The following NAALAD2 variants were observed in gnomAD, a reference collection of about 807,000 sequenced individuals.
The protein encoded by NAALAD2 is N-acetylated alpha-linked acidic dipeptidase 2.
A neutral mutation model predicts 95.6 loss-of-function variants in NAALAD2; 89 were observed. The ratio of observed to expected loss-of-function variants is 0.93; its 90% CI spans 0.78 to 1.11. The LOEUF is 1.11. Among genes scored for constraint, NAALAD2 ranks in the 50% least tolerant of loss-of-function variants. The probability of loss-of-function intolerance (pLI) is 0.00; values close to 1 mark genes in which losing one functional copy is unlikely to be tolerated. For missense variants in NAALAD2, 894 were observed against 872.4 expected (o/e 1.02, Z -0.31); for synonymous variants, 264 against 294.4 (o/e 0.90, Z 1.06).
intron 2 of NAALAD2, among the ~76,000 whole-genome samples, chr11:90,146,302 A>C (rs2134850935): frequency 6.6e-6 from 1 of 150,732 alleles, no homozygotes; most frequent in East Asian, 1.9e-4. Flanking sequence ...AAAAAATTAA[A>C]AAAGGGTTTA....
At chr11:90,188,478 A>C (rs1167990402) in intron 18 of NAALAD2, among the ~76,000 whole-genome samples, 3 of 152,160 alleles carry the variant, frequency 2.0e-5, no homozygotes, top group Admixed American at 6.5e-5. Flanking sequence ...TCACAGTTCT[A>C]GGGGCTGGGA....
rs75095632 is a variant in NAALAD2, at chr11:90,178,498, C to T, written c.1858+381C>T. On this transcript the variant is annotated intron_variant, in intron 16 of 18. Coordinates refer to ENST00000534061, the MANE Select transcript of NAALAD2 (RefSeq NM_005467.4). ...CATTCTGGCTATTATGGTGAAACCG[C>T]GTCTCTACTGAAAATACAAAAAACT... is the stretch of plus-strand genomic sequence containing the variant. Among the ~76,000 whole-genome samples, 890 of 152,086 alleles carry T rather than the reference C, an allele frequency of 5.9e-3. 7 individuals are homozygous for T. The highest frequency in any genetic ancestry group is 0.02 in the African/African-American group (826 of 41,502).
chr11:90,183,156 T>C, intron 18 of NAALAD2, 148 bp downstream of exon 18: 1 of 449,004 alleles, frequency 2.2e-6, no homozygotes, highest in Non-Finnish European at 4.1e-6. Flanking sequence ...ATAATAGGTA[T>C]AATACATATT....
At chr11:90,160,057 G>A (rs567898039) in intron 8 of NAALAD2, among the ~76,000 whole-genome samples, 1 of 146,050 alleles carries the variant, frequency 6.8e-6, no homozygotes, top group Admixed American at 7.4e-5. Context: ...TGGGTTAAAT[G>A]AGTTTAAATG....
intron 2 of NAALAD2, among the ~76,000 whole-genome samples, chr11:90,141,245 A>G (rs982577909): frequency 1.2e-4 from 18 of 152,198 alleles, no homozygotes; most frequent in African/African-American, 4.1e-4. Context: ...TATATAATAA[A>G]CACATATTTG....
chr11:90,184,805 C>T (rs1284041867), intron 18 of NAALAD2, among the ~76,000 whole-genome samples: 1 of 151,736 alleles, frequency 6.6e-6, no homozygotes, highest in African/African-American at 2.4e-5. Flanking sequence ...TATAGTCAGC[C>T]CTCTGTATCT....
At chr11:90,173,958 T>A (rs1344544851) in intron 14 of NAALAD2, 43 bp downstream of exon 14, 2 of 1,240,614 alleles carry the variant, frequency 1.6e-6, no homozygotes, top group Non-Finnish European at 2.4e-6. Flanking sequence ...GGATAAGTTA[T>A]GAATTCCCCT....
At position 90,177,984 on chromosome 11, in the gene NAALAD2, T is replaced by C. The variant is rs762923572; in HGVS notation, c.1725T>C (p.Tyr575=). 1.2e-6 allele frequency: 2 copies of C among 1,613,528 alleles called. No homozygotes were observed. The highest frequency in any genetic ancestry group is 1.7e-6 in the Non-Finnish European group (2 of 1,179,624). Residue 575 remains tyrosine (Y), a synonymous_variant, in exon 16 of 19, where the codon TAT becomes TAC. Coordinates refer to ENST00000534061, the MANE Select transcript of NAALAD2 (RefSeq NM_005467.4). Reference sequence around the variant, plus strand: ...CTCAATTACGAGGAGCACTGGTATATGAGCTTGTGGATTCTAAAATCATTC... The same window carrying C: ...CTCAATTACGAGGAGCACTGGTATACGAGCTTGTGGATTCTAAAATCATTC... ...SVAQLRGALV[Y]ELVDSKIIPF... is the part of the protein sequence containing the mutation.
chr11:90,151,158 A>T (rs1251111122), intron 5 of NAALAD2, among the ~76,000 whole-genome samples: 1 of 152,048 alleles, frequency 6.6e-6, no homozygotes, highest in Non-Finnish European at 1.5e-5. Flanking sequence ...TCTGGCTCCT[A>T]TTCTTTCTAG....
intron 17 of NAALAD2, among the ~76,000 whole-genome samples, chr11:90,182,308 A>G (rs184768754): frequency 6.6e-6 from 1 of 152,082 alleles, no homozygotes; most frequent in Non-Finnish European, 1.5e-5. Context: ...ATTTTTTCAG[A>G]TGTAATCAGA....
intron 2 of NAALAD2, among the ~76,000 whole-genome samples, chr11:90,136,362 C>T (rs771034784): frequency 1.3e-5 from 2 of 152,158 alleles, no homozygotes; most frequent in East Asian, 1.9e-4. Context: ...TTATGACAGA[C>T]GTATGCTATG....
intron 18 of NAALAD2, among the ~76,000 whole-genome samples, chr11:90,185,572 C>T (rs768597438): frequency 6.6e-6 from 1 of 152,042 alleles, no homozygotes; most frequent in Non-Finnish European, 1.5e-5. Flanking sequence ...GAGGGTAAGG[C>T]AGGGGGATTG....
At chr11:90,152,590 T>A in intron 6 of NAALAD2, 106 bp downstream of exon 6, 1 of 732,028 alleles carries the variant, frequency 1.4e-6, no homozygotes, top group Non-Finnish European at 2.1e-6. Flanking sequence ...TAAAATTGAG[T>A]ACACTTATAT....
chr11:90,181,529 G>A, intron 16 of NAALAD2, 91 bp from the exon 17 acceptor site: 1 of 802,706 alleles, frequency 1.2e-6, no homozygotes, highest in Non-Finnish European at 2.1e-6. Context: ...CGACATCTAT[G>A]TGGTCATATC....
chr11:90,158,057 A>G (rs1952175165), intron 6 of NAALAD2, 88 bp from the exon 7 acceptor site: 13 of 999,724 alleles, frequency 1.3e-5, no homozygotes, highest in Non-Finnish European at 2.0e-5. Flanking sequence ...AATGTATAGC[A>G]AATCTGCAAC....
rs1295860600 is a variant in NAALAD2 at position 90,147,452 on chromosome 11, T to A, written c.317T>A (p.Leu106His). 10 of 1,613,816 alleles carry A rather than the reference T, an allele frequency of 6.2e-6. No homozygotes were observed. The highest frequency in any genetic ancestry group is 8.5e-6 in the Non-Finnish European group (10 of 1,179,890). Residue 106 changes from leucine (L) to histidine (H), a missense_variant, in exon 3 of 19, where the codon CTC (leucine) becomes CAC (histidine). Transcript: ENST00000534061. ...DSAKLVHYDV[L>H]LSYPNETNAN... ...GCCAAGTTGGTTCATTATGATGTCC[T>A]CTTATCTTACCCCAATGAGACAAAT...
At chr11:90,169,730 T>C (rs1311877980) in intron 12 of NAALAD2, 1 of 258,644 alleles carries the variant, frequency 3.9e-6, no homozygotes, top group East Asian at 9.7e-5. Context: ...TACTATTGCA[T>C]AGAATGAAAC....
intron 11 of NAALAD2, chr11:90,164,445 C>T (rs1446207856): frequency 6.6e-6 from 1 of 152,142 alleles, no homozygotes. Context: ...CCACGCTGTT[C>T]AACTACTCTG....
Position 90,192,479 on chromosome 11 carries a change from A to C in NAALAD2, c.*732A>C, listed in dbSNP as rs1355133858. The C allele has an allele frequency of 6.6e-6, 1 of 152,078 alleles. No individual in the cohort carries two copies. Among genetic ancestry groups the C allele is most frequent in the Non-Finnish European group, 1.5e-5 (1 of 67,922 alleles). 9.4% of individuals were successfully genotyped at this position (152,078 alleles called of 1,614,324 possible). On this transcript the variant is annotated 3_prime_UTR_variant, in exon 19 of 19. Coordinates refer to ENST00000534061, the MANE Select transcript of NAALAD2 (RefSeq NM_005467.4). ...AGGTTGGGGAGGATGGCTGCAAAGAAGTATGAGGAAACTTTCTCCAATAGA... is the reference window on the plus strand; with the variant it reads ...AGGTTGGGGAGGATGGCTGCAAAGACGTATGAGGAAACTTTCTCCAATAGA...
Sources: gnomAD v4.1 joint callset for allele counts (sites outside exome capture counted in the v4.1 genomes callset) on GRCh38, gnomAD v4.1.1 for gene constraint, MANE v1.5 for transcripts, NCBI Gene and HGNC (gene_info 2026-07-23, HGNC 2026-07-21) for gene names.